KIF13A: variants seen among roughly 807,000 people sequenced by gnomAD.
KIF13A encodes the protein kinesin-like protein KIF13A.
In KIF13A, 79 loss-of-function variants were observed where a neutral mutation model predicts 212.2. That is an observed-to-expected ratio of 0.37 (90% CI 0.31 to 0.45). The LOEUF is 0.45. Among genes scored for constraint, KIF13A ranks in the 20% least tolerant of loss-of-function variants. The pLI is 1.00. For missense variants in KIF13A, 1,901 were observed against 2,209.0 expected (o/e 0.86, Z 2.79); for synonymous variants, 789 against 808.6 (o/e 0.98, Z 0.41).
Position 17,796,744 on chromosome 6 carries a change from T to C in KIF13A, c.2867A>G (p.His956Arg), listed in dbSNP as rs1435803579. The C allele has an allele frequency of 1.3e-5, 21 of 1,593,634 alleles. No individual in the cohort carries two copies. Among genetic ancestry groups the C allele is most frequent in the Non-Finnish European group, 1.8e-5 (21 of 1,169,238 alleles). ...DGALAIEVWG[H>R]RCAGNGSSIW... ...GGAGCTGCCATTTCCAGCACACCGGTGGCCCCATACTTCAATGGCCAGTGC... is the reference window on the plus strand; with the variant it reads ...GGAGCTGCCATTTCCAGCACACCGGCGGCCCCATACTTCAATGGCCAGTGC... The change falls in exon 23 of 39, where the codon CAC (histidine) becomes CGC (arginine). Residue 956 changes from histidine (H) to arginine (R), a missense_variant. Physicochemically the swap from His to Arg is conservative, Grantham distance 29 (BLOSUM62 0). Coordinates refer to ENST00000259711, the MANE Select transcript of KIF13A (RefSeq NM_022113.6).
intron 2 of KIF13A, among the ~76,000 whole-genome samples, chr6:17,972,415 C>CT (rs1245394612): frequency 2.0e-5 from 3 of 152,204 alleles, no homozygotes; most frequent in African/African-American, 7.2e-5. Context: ...CCAATTACAA[C>CT]TGCAAGCTCA....
In KIF13A at chr6:17,863,356, A is replaced by G. The variant is rs1365624757; in HGVS notation, c.221-7234T>C. Among the ~76,000 whole-genome samples, 11 of 151,160 alleles carry G rather than the reference A, an allele frequency of 7.3e-5. No individual in the cohort carries two copies. The East Asian group carries it at 1.7e-3, about 24-fold the overall frequency. On this transcript the variant is annotated intron_variant, in intron 4 of 38. Transcript: ENST00000259711. ...GGTATGCTAATCCATATTGTCTATTATAAGAAAAATACTTTCTTTTTTTTT... is the reference window on the plus strand; with the variant it reads ...GGTATGCTAATCCATATTGTCTATTGTAAGAAAAATACTTTCTTTTTTTTT...
intron 4 of KIF13A, among the ~76,000 whole-genome samples, chr6:17,857,244 T>C (rs567432990): frequency 6.6e-6 from 1 of 152,300 alleles, no homozygotes; most frequent in Admixed American, 6.5e-5. Context: ...CGAGATAGTA[T>C]TTGTGATATG....
chr6:17,763,981 G>A lies in KIF13A; in HGVS notation c.*129C>T. On this transcript the variant is annotated 3_prime_UTR_variant, in exon 39 of 39. Transcript: ENST00000259711. Reference sequence around the variant, plus strand: ...CAAAACAGACTTGCTCTCCGACAGAGACAGCTGTGCAGGAAGTGAGCCTGC... The same window carrying A: ...CAAAACAGACTTGCTCTCCGACAGAAACAGCTGTGCAGGAAGTGAGCCTGC... 1 of 1,450,596 alleles carries A rather than the reference G, an allele frequency of 6.9e-7. No individual in the cohort carries two copies. Among genetic ancestry groups the A allele is most frequent in the Middle Eastern group, 2.5e-4 (1 of 4,056 alleles). The allele number at this position is 1,450,596 out of a possible 1,614,324, so 89.9% of individuals were successfully genotyped here. A position where few individuals can be genotyped will look rare whatever the true frequency, so the allele number is the denominator to read the frequency against.
chr6:17,915,624 A>G lies in KIF13A; in HGVS notation c.147-17444T>C, dbSNP rs1370864009. Among the ~76,000 whole-genome samples the G allele has an allele frequency of 6.6e-6, 1 of 152,136 alleles. No homozygotes were observed. Among genetic ancestry groups the G allele is most frequent in the Non-Finnish European group, 1.5e-5 (1 of 68,012 alleles). On this transcript the variant is annotated intron_variant, in intron 2 of 38. Transcript: ENST00000259711. This position sits in a 1 kb window ranked among gnomAD's most constrained non-coding sequence, Gnocchi z 4.4. Reference sequence around the variant, plus strand: ...TTCTGTAGGACATCACTGCAGAACCATGTAGTTTCAATGTCACATCGAGTT... The same window carrying G: ...TTCTGTAGGACATCACTGCAGAACCGTGTAGTTTCAATGTCACATCGAGTT...
intron 4 of KIF13A, among the ~76,000 whole-genome samples, chr6:17,868,364 C>A (rs539614257): frequency 6.6e-6 from 1 of 152,160 alleles, no homozygotes; most frequent in African/African-American, 2.4e-5. Flanking sequence ...GCTTTAATTG[C>A]AATCAGCAGT....
chr6:17,867,927 C>A (rs561944790), intron 4 of KIF13A, among the ~76,000 whole-genome samples: 60 of 152,318 alleles, frequency 3.9e-4, no homozygotes, highest in Non-Finnish European at 7.1e-4. Flanking sequence ...ATGATGGGAA[C>A]AGAATCAAAC....
chr6:17,826,203 G>A lies in KIF13A; in HGVS notation c.1533-79C>T. On this transcript the variant is annotated intron_variant, in intron 14 of 38. Transcript: ENST00000259711. This position sits in a 1 kb window ranked among gnomAD's most constrained non-coding sequence, Gnocchi z 4.7. ...GTCCTGGTAGCCAAAGAGATAACTAGGGGAGCTTTCTCTTAATAAATGCAT... is the reference window on the plus strand; with the variant it reads ...GTCCTGGTAGCCAAAGAGATAACTAAGGGAGCTTTCTCTTAATAAATGCAT... 9.6e-7 allele frequency: 1 copy of A among 1,037,816 alleles called. No individual in the cohort carries two copies. Among genetic ancestry groups the A allele is most frequent in the South Asian group, 1.3e-5 (1 of 74,180 alleles). The allele number at this position is 1,037,816 out of a possible 1,614,324, so 64.3% of individuals were successfully genotyped here. A position where few individuals can be genotyped will look rare whatever the true frequency, so the allele number is the denominator to read the frequency against.
chr6:17,787,273 A>G lies in KIF13A; in HGVS notation c.3361+503T>C, dbSNP rs1184305600. On this transcript the variant is annotated intron_variant, in intron 27 of 38. Transcript: ENST00000259711. The surrounding 1 kb of genome is among the most constrained non-coding windows in gnomAD (Gnocchi z 4.6). ...TTATGAGATAATTCTGAGTTTTATG[A>G]AAACTTACTACTTTCAAATTTGGAG... Among the ~76,000 whole-genome samples, 1 of 152,244 alleles carries G rather than the reference A, an allele frequency of 6.6e-6. No individual in the cohort carries two copies. The highest frequency in any genetic ancestry group is 1.5e-5 in the Non-Finnish European group (1 of 68,042).
chr6:17,764,014 T>A lies in KIF13A; in HGVS notation c.*96A>T, dbSNP rs576278202. ...TGCAGGAAGTGAGCCTGCTTCTCTGTGGGCTCATCTTTGCTGTCACAAACA... is the reference window on the plus strand; with the variant it reads ...TGCAGGAAGTGAGCCTGCTTCTCTGAGGGCTCATCTTTGCTGTCACAAACA... On this transcript the variant is annotated 3_prime_UTR_variant, in exon 39 of 39. Coordinates refer to ENST00000259711, the MANE Select transcript of KIF13A (RefSeq NM_022113.6). The surrounding 1 kb of genome is among the most constrained non-coding windows in gnomAD (Gnocchi z 5.1). The A allele has an allele frequency of 2.3e-4, 337 of 1,482,036 alleles. No homozygotes were observed. Among genetic ancestry groups the A allele is most frequent in the Non-Finnish European group, 2.9e-4 (320 of 1,115,360 alleles). 91.8% of individuals were successfully genotyped at this position (1,482,036 alleles called of 1,614,324 possible).
Position 17,773,270 on chromosome 6 carries a change from T to G in KIF13A, c.4324+208A>C, listed in dbSNP as rs1021727100. On this transcript the variant is annotated intron_variant, in intron 36 of 38. Transcript: ENST00000259711. The surrounding 1 kb of genome is among the most constrained non-coding windows in gnomAD (Gnocchi z 4.2). ...TCTAAAGTAATACACAAAAAGTCTA[T>G]GATTATTTGGGTGATATGTTGGATA... 1.3e-5 allele frequency among the ~76,000 whole-genome samples: 2 copies of G among 152,200 alleles called. No homozygotes were observed. The highest frequency in any genetic ancestry group is 4.8e-5 in the African/African-American group (2 of 41,450).
At position 17,871,813 on chromosome 6, in the gene KIF13A, C is replaced by T. The variant is rs1212381869; in HGVS notation, c.220+1564G>A. Among the ~76,000 whole-genome samples, 2 of 152,194 alleles carry T rather than the reference C, an allele frequency of 1.3e-5. No homozygotes were observed. Among genetic ancestry groups the T allele is most frequent in the East Asian group, 1.9e-4 (1 of 5,202 alleles). The stretch of plus-strand genomic sequence containing the variant: ...CAGTTCAGGAAGATATATATGGCTG[C>T]ATCTTGAGTAACATAAATTGAACAC... On this transcript the variant is annotated intron_variant, in intron 4 of 38. Coordinates refer to ENST00000259711, the MANE Select transcript of KIF13A (RefSeq NM_022113.6). The surrounding 1 kb of genome is among the most constrained non-coding windows in gnomAD (Gnocchi z 4.4).
At chr6:17,765,359 C>G (rs1758851965) in intron 38 of KIF13A, among the ~76,000 whole-genome samples, 1 of 152,266 alleles carries the variant, frequency 6.6e-6, no homozygotes, top group East Asian at 1.9e-4. Flanking sequence ...AGAGCCACTC[C>G]TTTTGTCTTT....
chr6:17,929,646 C>T (rs1426185189), intron 2 of KIF13A, among the ~76,000 whole-genome samples: 3 of 152,122 alleles, frequency 2.0e-5, no homozygotes, highest in Admixed American at 6.5e-5. Context: ...ATGATCTGCC[C>T]GCCTTGGCCT....
Position 17,837,610 on chromosome 6 carries a change from T to C in KIF13A, c.831-27A>G, listed in dbSNP as rs928255543. 1 of 1,406,568 alleles carries C rather than the reference T, an allele frequency of 7.1e-7. No homozygotes were observed. The highest frequency in any genetic ancestry group is 1.4e-5 in the African/African-American group (1 of 70,320). 87.1% of individuals were successfully genotyped at this position (1,406,568 alleles called of 1,614,324 possible). Reference sequence around the variant, plus strand: ...TGTCAAGAAAAAATGAAAAATTAGTTTTATGGAATGTTTATTTGGTTTAAG... The same window carrying C: ...TGTCAAGAAAAAATGAAAAATTAGTCTTATGGAATGTTTATTTGGTTTAAG... On this transcript the variant is annotated intron_variant, in intron 9 of 38. Transcript: ENST00000259711. The surrounding 1 kb of genome is among the most constrained non-coding windows in gnomAD (Gnocchi z 5.4).
At chr6:17,925,084 AT>A (rs561828978) in intron 2 of KIF13A, among the ~76,000 whole-genome samples, 95 of 152,344 alleles carry the variant, frequency 6.2e-4, no homozygotes, top group Middle Eastern at 6.8e-3. Context: ...AAAAAAATAT[AT>A]CAACAAATGC....
intron 2 of KIF13A, among the ~76,000 whole-genome samples, chr6:17,975,480 T>C (rs947431765): frequency 1.2e-4 from 19 of 152,270 alleles, no homozygotes; most frequent in South Asian, 6.2e-4. Context: ...CGGTGAGCGT[T>C]ACAGCTTATA....
intron 11 of KIF13A, among the ~76,000 whole-genome samples, chr6:17,835,217 A>G (rs1191300866): frequency 2.0e-3 from 83 of 41,506 alleles, no homozygotes; most frequent in Non-Finnish European, 2.8e-3. Flanking sequence ...AAAAAAAAAA[A>G]AAAAAAAAAA....
In KIF13A at chr6:17,773,575, T is replaced by C. The variant is rs1180737667; in HGVS notation, c.4227A>G (p.Pro1409=). 1 of 1,600,640 alleles carries C rather than the reference T, an allele frequency of 6.2e-7. No homozygotes were observed. The highest frequency in any genetic ancestry group is 8.6e-7 in the Non-Finnish European group (1 of 1,168,862). Residue 1409 remains proline (P), a synonymous_variant, in exon 36 of 39, where the codon CCA becomes CCG. Coordinates refer to ENST00000259711, the MANE Select transcript of KIF13A (RefSeq NM_022113.6). This position sits in a 1 kb window ranked among gnomAD's most constrained non-coding sequence, Gnocchi z 4.2. Reference sequence around the variant, plus strand: ...AGTCAGACATGTCCAACTGGTTCTCTGGCCAACCCTACAAGGTAAAAATAT... The same window carrying C: ...AGTCAGACATGTCCAACTGGTTCTCCGGCCAACCCTACAAGGTAAAAATAT... The part of the protein sequence containing the change: ...SGFDEDDKGW[P]ENQLDMSDYS...
Sources: gnomAD v4.1 joint callset for allele counts (sites outside exome capture counted in the v4.1 genomes callset) on GRCh38, gnomAD v4.1.1 for gene constraint, Gnocchi (gnomAD v3.1) non-coding constraint, MANE v1.5 for transcripts, NCBI Gene and HGNC (gene_info 2026-07-23, HGNC 2026-07-21) for gene names.